Variants in RBM33 observed in about 807,000 individuals in gnomAD.
RBM33 encodes RNA-binding protein 33.
A neutral mutation model predicts 132.6 loss-of-function variants in RBM33; 28 were observed. The observed-to-expected ratio is 0.21, with a 90% CI of 0.16 to 0.29. The LOEUF is 0.29. Among genes scored for constraint, RBM33 ranks in the 10% least tolerant of loss-of-function variants. The pLI is 1.00. For missense variants in RBM33, 1,291 were observed against 1,518.5 expected (o/e 0.85, Z 2.49); for synonymous variants, 634 against 593.0 (o/e 1.07, Z -1.01).
chr7:155,645,680 C>T (rs559804558), intron 1 of RBM33, among the ~76,000 whole-genome samples: 3 of 152,156 alleles, frequency 2.0e-5, no homozygotes, highest in African/African-American at 7.2e-5. Flanking sequence ...GTTTTAAAAA[C>T]GTGGAGAGAT....
At chr7:155,701,228 TG>T (rs1799953863) in intron 6 of RBM33, 1 of 504,050 alleles carries the variant, frequency 2.0e-6, no homozygotes, top group Non-Finnish European at 3.5e-6. Flanking sequence ...GTACATGCTG[TG>T]GTTCCTGGCT....
rs1474150901 is a variant in RBM33 at position 155,775,364 on chromosome 7, C to G, written c.*323C>G. ...TTTGTGGTCTGACTCTATGATCGAT[C>G]ACAGTGACTTAGATTCAGGAAAGAA... On this transcript the variant is annotated 3_prime_UTR_variant, in exon 18 of 18. Transcript: ENST00000401878. The G allele has an allele frequency of 2.1e-6, 1 of 481,986 alleles. No homozygotes were observed. Among genetic ancestry groups the G allele is most frequent in the Non-Finnish European group, 3.8e-6 (1 of 262,018 alleles). The allele number at this position is 481,986 out of a possible 1,614,324, so 29.9% of individuals were successfully genotyped here.
intron 8 of RBM33, among the ~76,000 whole-genome samples, chr7:155,713,625 G>A (rs1169573561): frequency 6.6e-6 from 1 of 152,180 alleles, no homozygotes; most frequent in African/African-American, 2.4e-5. Flanking sequence ...GGGCGGGGCT[G>A]GTGAGGAGGA....
chr7:155,672,552 C>G (rs748894792), intron 2 of RBM33, among the ~76,000 whole-genome samples: 2 of 151,998 alleles, frequency 1.3e-5, no homozygotes, highest in Admixed American at 1.3e-4. Context: ...GTCAGGAGTT[C>G]GAGACCAGCC....
At chr7:155,773,136 G>T (rs989755822) in intron 16 of RBM33, among the ~76,000 whole-genome samples, 4 of 152,174 alleles carry the variant, frequency 2.6e-5, no homozygotes, top group Admixed American at 2.0e-4. Flanking sequence ...ATTTTCTCTA[G>T]CTATTCTGTT....
chr7:155,718,500 A>G (rs1800531316), intron 9 of RBM33, 57 bp downstream of exon 9: 3 of 1,403,118 alleles, frequency 2.1e-6, no homozygotes, highest in Admixed American at 1.7e-5. Flanking sequence ...TTACTAAGAA[A>G]TATTAATATA....
intron 8 of RBM33, among the ~76,000 whole-genome samples, chr7:155,715,997 T>C (rs978461757): frequency 1.3e-5 from 2 of 152,264 alleles, no homozygotes; most frequent in African/African-American, 4.8e-5. Flanking sequence ...GAAATTTAAC[T>C]TGTTTCCAGG....
intron 2 of RBM33, 121 bp from the exon 3 acceptor site, chr7:155,672,744 CAA>C (rs559042068): frequency 0.053 from 18,573 of 348,852 alleles, 11 homozygotes; most frequent in Middle Eastern, 0.073. Flanking sequence ...GGCTTTGTCT[CAA>C]AAAAAAAAAA....
chr7:155,762,276 C>A (rs1411836468), intron 14 of RBM33, among the ~76,000 whole-genome samples: 3 of 152,184 alleles, frequency 2.0e-5, no homozygotes, highest in Non-Finnish European at 4.4e-5. Flanking sequence ...GCCCACAGAC[C>A]CATGGGCTTC....
chr7:155,775,051 A>G lies in RBM33; in HGVS notation c.*10A>G, dbSNP rs1340552387. 4 of 1,611,400 alleles carry G rather than the reference A, an allele frequency of 2.5e-6. No homozygotes were observed. The highest frequency in any genetic ancestry group is 1.3e-5 in the African/African-American group (1 of 74,864). ...CCTGATCGTGGAGTGAGTCCTAACAAGAGAGCCTGACCTTAGGCTGTACAC... is the reference window on the plus strand; with the variant it reads ...CCTGATCGTGGAGTGAGTCCTAACAGGAGAGCCTGACCTTAGGCTGTACAC... On this transcript the variant is annotated 3_prime_UTR_variant, in exon 18 of 18. Coordinates refer to ENST00000401878, the MANE Select transcript of RBM33 (RefSeq NM_053043.3).
intron 5 of RBM33, among the ~76,000 whole-genome samples, chr7:155,698,545 C>G (rs78073473): frequency 6.6e-6 from 1 of 152,094 alleles, no homozygotes; most frequent in East Asian, 1.9e-4. Flanking sequence ...TGCTATCAGC[C>G]GTGTTTGGTG....
At chr7:155,673,795 CACACA>C (rs1563138160) in intron 3 of RBM33, among the ~76,000 whole-genome samples, 22 of 144,370 alleles carry the variant, frequency 1.5e-4, no homozygotes, top group African/African-American at 4.0e-4. Context: ...CACACACACA[CACACA>C]CCCCTACCAG....
At chr7:155,773,612 G>C (rs997212755) in intron 16 of RBM33, among the ~76,000 whole-genome samples, 1 of 146,330 alleles carries the variant, frequency 6.8e-6, no homozygotes, top group African/African-American at 2.6e-5. Context: ...AGGGGCTCCT[G>C]TGCGTGCTCC....
chr7:155,679,243 G>GC (rs1799271566), intron 4 of RBM33, among the ~76,000 whole-genome samples: 3 of 152,260 alleles, frequency 2.0e-5, no homozygotes, highest in South Asian at 2.1e-4. Context: ...TCTGTTCAGT[G>GC]CAGGTTATGA....
At chr7:155,746,773 A>G (rs1399143732) in intron 14 of RBM33, 2 of 152,232 alleles carry the variant, frequency 1.3e-5, no homozygotes, top group African/African-American at 2.4e-5. Flanking sequence ...TATGCAATTT[A>G]TATTATAAAC....
chr7:155,673,053 T>A, intron 3 of RBM33, 138 bp downstream of exon 3: 1 of 509,846 alleles, frequency 2.0e-6, no homozygotes, highest in Non-Finnish European at 3.4e-6. Flanking sequence ...AATTATTTTT[T>A]AAGTGCGCAG....
intron 5 of RBM33, chr7:155,684,976 A>C: frequency 6.4e-7 from 1 of 1,550,608 alleles, no homozygotes; most frequent in Non-Finnish European, 8.7e-7. Flanking sequence ...CAAGGGCTGC[A>C]AGAGCAGGAA....
chr7:155,727,254 C>T (rs1800820059), intron 9 of RBM33, among the ~76,000 whole-genome samples: 1 of 152,172 alleles, frequency 6.6e-6, no homozygotes, highest in Non-Finnish European at 1.5e-5. Context: ...GAGGTATCCC[C>T]CAGGGAGCTC....
At chr7:155,659,466 T>C (rs1053094251) in intron 1 of RBM33, among the ~76,000 whole-genome samples, 9 of 152,028 alleles carry the variant, frequency 5.9e-5, no homozygotes, top group Non-Finnish European at 1.0e-4. Flanking sequence ...GTAAACTCTT[T>C]AGAGGGGATC....
Sources: gnomAD v4.1 joint callset for allele counts (sites outside exome capture counted in the v4.1 genomes callset) on GRCh38, gnomAD v4.1.1 for gene constraint, MANE v1.5 for transcripts, NCBI Gene and HGNC (gene_info 2026-07-23, HGNC 2026-07-21) for gene names.